NUTM2G: variants seen among roughly 807,000 people sequenced by gnomAD.
NUTM2G encodes the protein NUT family member 2G.
NUTM2G carries 29 observed loss-of-function variants against 44.3 expected under a neutral mutation model. The ratio of observed to expected loss-of-function variants is 0.66; its 90% confidence interval spans 0.49 to 0.89. The LOEUF is 0.89. NUTM2G is among the 40% of genes least tolerant of loss of function. The probability of loss-of-function intolerance (pLI) is 0.00; values close to 1 mark genes in which losing one functional copy is unlikely to be tolerated. For missense variants in NUTM2G, 502 were observed against 946.5 expected, an observed-to-expected ratio of 0.53 and a Z score of 6.16; for synonymous variants, 205 against 395.9, an observed-to-expected ratio of 0.52 and a Z score of 5.72.
chr9:96,936,321 C>G lies in NUTM2G; in HGVS notation c.843-104C>G, dbSNP rs191516179. On this transcript the variant is annotated intron_variant, in intron 3 of 6. Coordinates refer to ENST00000372322, the MANE Select transcript of NUTM2G (RefSeq NM_001170741.3). ...GGGTCCCAGTGAGGGCCTAGACAGC[C>G]CGCCGGAGGCACTCCCTCCCATCCC... is the stretch of plus-strand genomic sequence containing the variant. 2,825 of 1,532,092 alleles carry G rather than the reference C, an allele frequency of 1.8e-3. 37 individuals are homozygous for G. Among genetic ancestry groups the G allele is most frequent in the East Asian group, 2.2e-3 (89 of 40,890 alleles). 94.9% of individuals were successfully genotyped at this position (1,532,092 alleles called of 1,614,324 possible). A position where few individuals can be genotyped will look rare whatever the true frequency, so the allele number is the denominator to read the frequency against.
At chr9:96,935,821 G>A (rs1051155764) in intron 3 of NUTM2G, among the ~76,000 whole-genome samples, 1 of 152,178 alleles carries the variant, frequency 6.6e-6, no homozygotes, top group African/African-American at 2.4e-5. Context: ...CACAGCAGTG[G>A]CCGGAAGTCG....
chr9:96,931,979 G>A lies in NUTM2G; in HGVS notation c.274G>A (p.Val92Met), dbSNP rs1564030862. The A allele has an allele frequency of 6.2e-7, 1 of 1,611,538 alleles. No individual in the cohort carries two copies. Among genetic ancestry groups the A allele is most frequent in the African/African-American group, 1.3e-5 (1 of 74,976 alleles). The stretch of plus-strand genomic sequence containing the variant: ...CCAGATGAGGACAGAAGTGGGGCCT[G>A]TGAAGCCCCCTCAGGCACAGACCTT... ...FVQMRTEVGP[V>M]KPPQAQTLIL... is the part of the protein sequence containing the mutation. Residue 92 changes from valine (V) to methionine (M), a missense_variant, in exon 2 of 7, where the codon GTG (valine) becomes ATG (methionine). Transcript: ENST00000372322.
intron 2 of NUTM2G, 97 bp downstream of exon 2, chr9:96,932,515 G>C (rs1324736965): frequency 8.0e-7 from 1 of 1,255,634 alleles, no homozygotes; most frequent in Non-Finnish European, 1.1e-6. Flanking sequence ...GAGCTTGCAG[G>C]GCGGTTGTGA....
At chr9:96,931,613 A>C in intron 1 of NUTM2G, 109 bp from the exon 2 acceptor site, 1 of 1,086,294 alleles carries the variant, frequency 9.2e-7, no homozygotes. Context: ...TGCAAGCTGC[A>C]GAGTTTCCCT....
rs1826497949 is a variant in NUTM2G, at chr9:96,938,007, G to A, written c.1440+6G>A. 1.2e-6 allele frequency: 2 copies of A among 1,612,292 alleles called. No homozygotes were observed. The highest frequency in any genetic ancestry group is 1.7e-6 in the Non-Finnish European group (2 of 1,179,856). The stretch of plus-strand genomic sequence containing the variant: ...AAGGACTCACCCTTGCCCAGGTAGA[G>A]CAGCAGAGGGAGGGGAACCCAGGTA... On this transcript the variant is annotated splice_donor_region_variant and intron_variant, in intron 6 of 6. Transcript: ENST00000372322.
rs1300723278 is a variant in NUTM2G, at chr9:96,937,557, GCTGTGTGTTTGTGTCTGTGATTTGTTA to G, written c.1323+160_1323+186del. Among the ~76,000 whole-genome samples the G allele has an allele frequency of 2.0e-4, 30 of 151,968 alleles. No homozygotes were observed. The East Asian group carries it at 5.2e-3, about 27-fold the overall frequency. ...ATGTGACTGTGTGTGTCTGTGTGTT[GCTGTGTGTTTGTGTCTGTGATTTGTTA>G]CTGTGTCTTTGTGTGTCTGTGTGGG... On this transcript the variant is annotated intron_variant, in intron 5 of 6. Coordinates refer to ENST00000372322, the MANE Select transcript of NUTM2G (RefSeq NM_001170741.3).
rs775749178 is a variant in NUTM2G at position 96,938,006 on chromosome 9, A to G, written c.1440+5A>G. 2 of 1,612,386 alleles carry G rather than the reference A, an allele frequency of 1.2e-6. No homozygotes were observed. Among genetic ancestry groups the G allele is most frequent in the Non-Finnish European group, 1.7e-6 (2 of 1,179,844 alleles). ...GAAGGACTCACCCTTGCCCAGGTAG[A>G]GCAGCAGAGGGAGGGGAACCCAGGT... On this transcript the variant is annotated splice_donor_5th_base_variant and intron_variant, in intron 6 of 6. Coordinates refer to ENST00000372322, the MANE Select transcript of NUTM2G (RefSeq NM_001170741.3).
chr9:96,934,826 G>C (rs558193447), intron 2 of NUTM2G, among the ~76,000 whole-genome samples: 11 of 152,142 alleles, frequency 7.2e-5, no homozygotes, highest in Admixed American at 2.0e-4. Context: ...AGAAGTCCCA[G>C]ATCAAGGTGA....
intron 3 of NUTM2G, 35 bp from the exon 4 acceptor site, chr9:96,936,390 C>T (rs763363812): frequency 2.6e-6 from 4 of 1,558,066 alleles, no homozygotes; most frequent in Non-Finnish European, 3.4e-6. Flanking sequence ...GGGCCTGGAC[C>T]CTCTCAGCAC....
chr9:96,935,547 G>T, intron 3 of NUTM2G, 91 bp downstream of exon 3: 2 of 1,609,804 alleles, frequency 1.2e-6, no homozygotes, highest in Admixed American at 3.3e-5. Context: ...TCAGCGTGGA[G>T]CATGAGGAGG....
At chr9:96,942,011 G>C (rs146019013), downstream of NUTM2G, among the ~76,000 whole-genome samples, 809 of 149,264 alleles carry the variant, frequency 5.4e-3, 23 homozygotes, top group African/African-American at 0.018. Context: ...CGGTGGGTTT[G>C]GCCTCCCTGC....
At position 96,936,508 on chromosome 9, in the gene NUTM2G, C is replaced by A; in HGVS notation, c.926C>A (p.Ala309Asp). The change falls in exon 4 of 7, where the codon GCC becomes GAC. Residue 309 changes from alanine (A) to aspartate (D), a missense_variant. Ala to Asp is a moderately radical substitution (Grantham distance 126). Coordinates refer to ENST00000372322, the MANE Select transcript of NUTM2G (RefSeq NM_001170741.3). ...MKGPQSLPPP[A>D]PPRLEPRGPP... ...GGGCCCCAGAGCCTGCCTCCTCCAG[C>A]CCCGCCGAGGCTTGAACCTCGAGGA... The A allele has an allele frequency of 4.5e-6, 7 of 1,550,048 alleles. No individual in the cohort carries two copies. The highest frequency in any genetic ancestry group is 6.1e-6 in the Non-Finnish European group (7 of 1,155,222).
chr9:96,930,255 T>C (rs2119015056), intron 1 of NUTM2G, among the ~76,000 whole-genome samples: 1 of 152,222 alleles, frequency 6.6e-6, no homozygotes, highest in South Asian at 2.1e-4. Flanking sequence ...CCGGGCGCGG[T>C]GGCTCACGCC....
At chr9:96,932,946 G>A (rs923677158) in intron 2 of NUTM2G, among the ~76,000 whole-genome samples, 3 of 149,984 alleles carry the variant, frequency 2.0e-5, no homozygotes, top group East Asian at 2.0e-4. Flanking sequence ...ATCATGCCCC[G>A]CCCCAATACT....
At chr9:96,931,230 G>A (rs1206335665) in intron 1 of NUTM2G, among the ~76,000 whole-genome samples, 1 of 151,756 alleles carries the variant, frequency 6.6e-6, no homozygotes, top group Non-Finnish European at 1.5e-5. Flanking sequence ...AGGAAAGAAA[G>A]GGGTTTACAA....
rs1826534754 is a variant in NUTM2G at position 96,938,877 on chromosome 9, C to T, written c.1954C>T (p.Pro652Ser). The T allele has an allele frequency of 1.3e-6, 2 of 1,571,758 alleles. No individual in the cohort carries two copies. The highest frequency in any genetic ancestry group is 3.7e-5 in the Admixed American group (2 of 54,744). ...TGTCCCTTCCTCGGGCCTTCTCAGC[C>T]CAGGAGGGAGAGGACCCCAGGGAGC... ...SPVPSSGLLSPGGRGPQGALQ... is the reference protein window; with the variant it reads ...SPVPSSGLLSSGGRGPQGALQ... The change falls in exon 7 of 7, where the codon CCA becomes TCA. Residue 652 changes from proline (P) to serine (S), a missense_variant. Physicochemically the swap from Pro to Ser is moderately conservative, Grantham distance 74. Coordinates refer to ENST00000372322, the MANE Select transcript of NUTM2G (RefSeq NM_001170741.3).
At chr9:96,935,883 C>T (rs1196943321) in intron 3 of NUTM2G, among the ~76,000 whole-genome samples, 2 of 151,874 alleles carry the variant, frequency 1.3e-5, no homozygotes, top group Admixed American at 6.6e-5. Flanking sequence ...GAGACCTGTA[C>T]CTGGGACACC....
At chr9:96,937,550 G>A (rs1325062360) in intron 5 of NUTM2G, 146 bp downstream of exon 5, 5 of 805,420 alleles carry the variant, frequency 6.2e-6, no homozygotes, top group Non-Finnish European at 9.8e-6. Context: ...GTGTGTGTCT[G>A]TGTGTTGCTG....
chr9:96,935,496 G>T (rs1357263792), intron 3 of NUTM2G, 40 bp downstream of exon 3: 2 of 1,611,924 alleles, frequency 1.2e-6, no homozygotes, highest in Non-Finnish European at 1.7e-6. Context: ...GTGTGGCGGG[G>T]TGAGAGTGAA....
Sources: gnomAD v4.1 joint callset for allele counts (sites outside exome capture counted in the v4.1 genomes callset) on GRCh38, gnomAD v4.1.1 for gene constraint, MANE v1.5 for transcripts, NCBI Gene and HGNC (gene_info 2026-07-23, HGNC 2026-07-21) for gene names.